The following DNAJC13 variants were observed in gnomAD, a reference collection of about 807,000 sequenced individuals.
The protein encoded by DNAJC13 is DnaJ heat shock protein family (Hsp40) member C13.
In DNAJC13, 75 loss-of-function variants were observed where a neutral mutation model predicts 290.5. The observed-to-expected ratio is 0.26, with a 90% CI of 0.21 to 0.31. The LOEUF (loss-of-function observed/expected upper bound fraction) is 0.31. Ranked by LOEUF, DNAJC13 falls within the 10% of genes least tolerant of loss-of-function variation. DNAJC13 has a pLI of 1.00. For synonymous variants in DNAJC13, 862 were observed against 892.0 expected (o/e 0.97, Z 0.60); for missense variants, 2,260 against 2,674.5 (o/e 0.85, Z 3.42).
At position 132,527,476 on chromosome 3, in the gene DNAJC13, A is replaced by T. The variant is rs571752980; in HGVS notation, c.6382-713A>T. On this transcript the variant is annotated intron_variant, in intron 53 of 55. Transcript: ENST00000260818. ...GGATGCTCTAAGGTTCAGACTTATG[A>T]TTGGCTTGAGGAGTTTGATGTGTAG... Among the ~76,000 whole-genome samples, 7 of 152,282 alleles carry T rather than the reference A, an allele frequency of 4.6e-5. No homozygotes were observed. In the South Asian group the frequency reaches 1.5e-3, roughly 32 times the overall value.
At chr3:132,464,058 C>T (rs545998995) in intron 17 of DNAJC13, among the ~76,000 whole-genome samples, 4 of 152,124 alleles carry the variant, frequency 2.6e-5, no homozygotes, top group Non-Finnish European at 5.9e-5. Flanking sequence ...GCCCTGACAC[C>T]ATAGTCATGG....
At chr3:132,536,691 G>C (rs942073446) in intron 55 of DNAJC13, among the ~76,000 whole-genome samples, 2 of 152,090 alleles carry the variant, frequency 1.3e-5, no homozygotes, top group Admixed American at 6.6e-5. Flanking sequence ...AGAATATGAG[G>C]GTGGTGGGAA....
At chr3:132,489,127 G>T in intron 31 of DNAJC13, 106 bp downstream of exon 31, 1 of 822,440 alleles carries the variant, frequency 1.2e-6, no homozygotes, top group South Asian at 1.7e-5. Context: ...AGTACTTGAG[G>T]GTAGGTATTG....
In DNAJC13 at chr3:132,492,721, G is replaced by A. The variant is rs1030189340; in HGVS notation, c.3825+106G>A. On this transcript the variant is annotated intron_variant, in intron 33 of 55. Coordinates refer to ENST00000260818, the MANE Select transcript of DNAJC13 (RefSeq NM_015268.4). ...GTAAGATGGTTAATAGCTTTCTTAA[G>A]TATTCCTTCTTAAGCACTAAGCACT... The A allele has an allele frequency of 1.2e-5, 12 of 960,152 alleles. No individual in the cohort carries two copies. In the African/African-American group the frequency reaches 2.0e-4, roughly 16 times the overall value. 59.5% of individuals were successfully genotyped at this position (960,152 alleles called of 1,614,324 possible). A position where few individuals can be genotyped will look rare whatever the true frequency, so the allele number is the denominator to read the frequency against.
intron 1 of DNAJC13, among the ~76,000 whole-genome samples, chr3:132,424,931 A>G (rs1939051928): frequency 6.6e-6 from 1 of 152,130 alleles, no homozygotes; most frequent in Non-Finnish European, 1.5e-5. Flanking sequence ...TAAAATTTAA[A>G]AATAGGGTTA....
chr3:132,429,792 C>T (rs936393315), intron 1 of DNAJC13, among the ~76,000 whole-genome samples: 2 of 152,118 alleles, frequency 1.3e-5, no homozygotes, highest in African/African-American at 2.4e-5. Context: ...CTCAGATATA[C>T]CCTTACATAA....
chr3:132,495,014 C>A, intron 34 of DNAJC13, 74 bp from the exon 35 acceptor site: 2 of 980,714 alleles, frequency 2.0e-6, no homozygotes, highest in South Asian at 1.6e-5. Context: ...CTTAAAATAT[C>A]ATTTTAGATG....
Position 132,482,221 on chromosome 3 carries a change from C to T in DNAJC13, c.2875-5C>T, listed in dbSNP as rs1321811507. On this transcript the variant is annotated splice_polypyrimidine_tract_variant and splice_region_variant and intron_variant, in intron 26 of 55. Coordinates refer to ENST00000260818, the MANE Select transcript of DNAJC13 (RefSeq NM_015268.4). The stretch of plus-strand genomic sequence containing the variant: ...GAAAATAATTTAAATCTTTTTTAAA[C>T]TTAGAGCAATGTAATTGAAGCTGCT... The T allele has an allele frequency of 5.0e-6, 8 of 1,605,578 alleles. No individual in the cohort carries two copies. The highest frequency in any genetic ancestry group is 6.0e-6 in the Non-Finnish European group (7 of 1,175,882).
At chr3:132,457,542 T>C (rs992084783) in intron 13 of DNAJC13, 174 bp downstream of exon 13, 1 of 563,364 alleles carries the variant, frequency 1.8e-6, no homozygotes, top group East Asian at 2.9e-5. Context: ...CAATGTGCTG[T>C]GTGCCAGAAA....
At chr3:132,482,144 A>G (rs1934698046) in intron 26 of DNAJC13, 82 bp from the exon 27 acceptor site, 4 of 1,077,936 alleles carry the variant, frequency 3.7e-6, no homozygotes, top group Non-Finnish European at 2.7e-6. Flanking sequence ...CCTCCAAAGT[A>G]CTGCTGTGCA....
chr3:132,521,848 A>G (rs1355971747), intron 48 of DNAJC13, among the ~76,000 whole-genome samples: 1 of 152,224 alleles, frequency 6.6e-6, no homozygotes, highest in Non-Finnish European at 1.5e-5. Flanking sequence ...TATATAACAA[A>G]TGCCCTTCCA....
chr3:132,505,199 G>A, intron 41 of DNAJC13, 103 bp from the exon 42 acceptor site: 1 of 686,880 alleles, frequency 1.5e-6, no homozygotes, highest in Non-Finnish European at 2.6e-6. Context: ...TTATACTATA[G>A]GCAACTATTA....
intron 1 of DNAJC13, among the ~76,000 whole-genome samples, chr3:132,423,260 CAAAG>C (rs1553740985): frequency 1.3e-5 from 2 of 152,098 alleles, no homozygotes; most frequent in African/African-American, 2.4e-5. Context: ...GTCTGGGTGA[CAAAG>C]GAAGACCCTG....
In DNAJC13 at chr3:132,466,380, G is replaced by T; in HGVS notation, c.2050G>T (p.Val684Leu). The T allele has an allele frequency of 6.3e-7, 1 of 1,597,452 alleles. No homozygotes were observed. Among genetic ancestry groups the T allele is most frequent in the Non-Finnish European group, 8.5e-7 (1 of 1,174,826 alleles). ...DADRMHVRDN[V>L]KIAMDQYGKF... The stretch of plus-strand genomic sequence containing the variant: ...TGATCGGATGCATGTTAGAGACAAT[G>T]TGAAAATAGCAATGGTAAATATGAC... The change falls in exon 19 of 56, where the codon GTG becomes TTG. Residue 684 changes from valine to leucine, a missense_variant. Val to Leu is a conservative substitution (Grantham distance 32, BLOSUM62 1). This residue lies in a region of DNAJC13 where 762 missense variants were observed against 964.1 expected (regional missense o/e 0.79). Coordinates refer to ENST00000260818, the MANE Select transcript of DNAJC13 (RefSeq NM_015268.4).
chr3:132,527,103 C>CA (rs1256780864), intron 53 of DNAJC13, among the ~76,000 whole-genome samples: 5 of 152,070 alleles, frequency 3.3e-5, no homozygotes, highest in Admixed American at 2.0e-4. Flanking sequence ...AATGTTTCCA[C>CA]AAAAAAATAA....
At chr3:132,482,421 C>A in intron 27 of DNAJC13, 91 bp downstream of exon 27, 1 of 981,684 alleles carries the variant, frequency 1.0e-6, no homozygotes, top group Non-Finnish European at 1.5e-6. Flanking sequence ...TGTTTTAAAG[C>A]TGTCATTTAA....
intron 13 of DNAJC13, among the ~76,000 whole-genome samples, chr3:132,459,076 T>C (rs1576471925): frequency 6.6e-6 from 1 of 152,226 alleles, no homozygotes; most frequent in East Asian, 1.9e-4. Flanking sequence ...TATTCAGTCT[T>C]CCAATGAACT....
chr3:132,500,325 C>G (rs1168273274), intron 38 of DNAJC13, among the ~76,000 whole-genome samples: 2 of 152,198 alleles, frequency 1.3e-5, no homozygotes, highest in African/African-American at 4.8e-5. Context: ...TGAGTTCCAT[C>G]CTCTATTTTG....
At chr3:132,428,589 C>A (rs1939165417) in intron 1 of DNAJC13, among the ~76,000 whole-genome samples, 1 of 151,964 alleles carries the variant, frequency 6.6e-6, no homozygotes, top group South Asian at 2.1e-4. Context: ...GGATTACAGG[C>A]ATGAGACATG....
Sources: allele counts gnomAD v4.1 joint callset (sites outside exome capture counted in the v4.1 genomes callset), GRCh38; gene constraint gnomAD v4.1.1; regional missense constraint gnomAD v4.1.1; transcripts MANE v1.5; gene names NCBI Gene and HGNC (gene_info 2026-07-23, HGNC 2026-07-21).